LCOR: variants seen among roughly 807,000 people sequenced by gnomAD.
LCOR encodes ligand dependent nuclear receptor corepressor, also known as ligand-dependent corepressor.
A neutral mutation model predicts 64.4 loss-of-function variants in LCOR; 14 were observed. The ratio of observed to expected loss-of-function variants is 0.22; its 90% CI spans 0.14 to 0.34. LCOR has a LOEUF of 0.34. Ranked by LOEUF, LCOR falls within the 10% of genes least tolerant of loss-of-function variation. LCOR has a pLI of 1.00. For missense variants in LCOR, 1,686 were observed against 1,765.3 expected, an observed-to-expected ratio of 0.96 and a Z score of 0.80; for synonymous variants, 643 against 642.5, an observed-to-expected ratio of 1.00 and a Z score of -0.01.
rs1315516458 is a variant in LCOR at position 96,993,753 on chromosome 10, A to G, written c.*8619A>G. ...CTCATCTGGTTATGTTATATTATATATATATATTATATATATATATATACA... is the reference window on the plus strand; with the variant it reads ...CTCATCTGGTTATGTTATATTATATGTATATATTATATATATATATATACA... On this transcript the variant is annotated 3_prime_UTR_variant, in exon 8 of 8. Transcript: ENST00000421806. 1 of 145,910 alleles carries G rather than the reference A, an allele frequency of 6.9e-6. No individual in the cohort carries two copies. Among genetic ancestry groups the G allele is most frequent in the Admixed American group, 6.8e-5 (1 of 14,766 alleles). 9.0% of individuals were successfully genotyped at this position (145,910 alleles called of 1,614,324 possible). A position where few individuals can be genotyped will look rare whatever the true frequency, so the allele number is the denominator to read the frequency against.
intron 2 of LCOR, among the ~76,000 whole-genome samples, chr10:96,891,534 T>G (rs1846443292): frequency 9.9e-5 from 1 of 10,088 alleles, no homozygotes; most frequent in Non-Finnish European, 2.4e-4. Context: ...TTGACTCTTT[T>G]TTTTTTTTTT....
chr10:96,921,324 G>C (rs911702808), intron 4 of LCOR, among the ~76,000 whole-genome samples: 5 of 152,094 alleles, frequency 3.3e-5, no homozygotes, highest in African/African-American at 1.2e-4. Context: ...GCCAGATCCA[G>C]TGTCGTGAAG....
intron 4 of LCOR, among the ~76,000 whole-genome samples, chr10:96,923,080 G>A (rs889439361): frequency 6.6e-6 from 1 of 152,194 alleles, no homozygotes; most frequent in Non-Finnish European, 1.5e-5. Context: ...ACCTTAAAGT[G>A]TATGGACATT....
chr10:96,879,852 G>A (rs912277509), intron 2 of LCOR, among the ~76,000 whole-genome samples: 1 of 152,090 alleles, frequency 6.6e-6, no homozygotes, highest in South Asian at 2.1e-4. Context: ...TAGTAGAGGC[G>A]GGGTTTCGCC....
At position 96,885,444 on chromosome 10, in the gene LCOR, T is replaced by C. The variant is rs149177763; in HGVS notation, c.-329-21821T>C. On this transcript the variant is annotated intron_variant, in intron 2 of 7. Coordinates refer to ENST00000421806, the MANE Select transcript of LCOR (RefSeq NM_001346516.2). ...TTTCCCAGGCTGGAGTGCAGTGGCA[T>C]GATCACGGCTCACTGTTCCCTTGAC... Among the ~76,000 whole-genome samples, 11 of 152,048 alleles carry C rather than the reference T, an allele frequency of 7.2e-5. No individual in the cohort carries two copies. The East Asian group carries it at 2.1e-3, about 29-fold the overall frequency.
rs1033645417 is a variant in LCOR, at chr10:96,987,742, A to T, written c.*2608A>T. 2.0e-5 allele frequency: 3 copies of T among 152,212 alleles called. No individual in the cohort carries two copies. The highest frequency in any genetic ancestry group is 7.2e-5 in the African/African-American group (3 of 41,450). 9.4% of individuals were successfully genotyped at this position (152,212 alleles called of 1,614,324 possible). On this transcript the variant is annotated 3_prime_UTR_variant, in exon 8 of 8. Transcript: ENST00000421806. ...TGTTAATAGAAGAAAGAAAACAGCA[A>T]AACTTGAGGGCTAATCCTGCAAGGC...
intron 2 of LCOR, among the ~76,000 whole-genome samples, chr10:96,878,166 A>G (rs1846202014): frequency 1.3e-5 from 2 of 152,308 alleles, no homozygotes; most frequent in South Asian, 4.1e-4. Flanking sequence ...GACAACTTCC[A>G]CTTTTACTCT....
At chr10:96,848,062 T>A (rs1035965236) in intron 2 of LCOR, among the ~76,000 whole-genome samples, 3 of 152,256 alleles carry the variant, frequency 2.0e-5, no homozygotes, top group African/African-American at 7.2e-5. Flanking sequence ...TGAAGTTGTT[T>A]AGGTAAGAAT....
intron 2 of LCOR, among the ~76,000 whole-genome samples, chr10:96,873,581 T>TGG (rs1846112213): frequency 9.7e-6 from 1 of 103,460 alleles, no homozygotes; most frequent in Non-Finnish European, 1.9e-5. Flanking sequence ...CGTGTGTGTG[T>TGG]GTGTGTGTGT....
chr10:96,852,900 C>CT (rs1414552952), intron 2 of LCOR, among the ~76,000 whole-genome samples: 1 of 152,102 alleles, frequency 6.6e-6, no homozygotes, highest in African/African-American at 2.4e-5. Context: ...CTCATTTTCT[C>CT]TATTATTTAT....
intron 4 of LCOR, among the ~76,000 whole-genome samples, chr10:96,915,389 C>T (rs1259423427): frequency 4.6e-5 from 7 of 152,044 alleles, no homozygotes; most frequent in African/African-American, 1.7e-4. Context: ...GGCGTGGTGA[C>T]GTGCGCCTGT....
intron 2 of LCOR, among the ~76,000 whole-genome samples, chr10:96,841,501 G>A (rs1323043535): frequency 6.6e-6 from 1 of 151,616 alleles, no homozygotes; most frequent in Admixed American, 6.6e-5. Context: ...GCTGGGATTA[G>A]AGGTGTGTGC....
intron 7 of LCOR, chr10:96,955,905 G>C: frequency 6.2e-7 from 1 of 1,609,604 alleles, no homozygotes; most frequent in Non-Finnish European, 8.5e-7. Context: ...AAGTGCAAAT[G>C]AATCAAAAAA....
intron 4 of LCOR, among the ~76,000 whole-genome samples, chr10:96,941,065 C>CG (rs1373702365): frequency 1.1e-5 from 1 of 89,288 alleles, no homozygotes; most frequent in African/African-American, 5.2e-5. Context: ...CTGGCCGACC[C>CG]CCCCCCCGCC....
intron 7 of LCOR, among the ~76,000 whole-genome samples, chr10:96,968,446 G>A (rs545109763): frequency 5.9e-5 from 9 of 152,162 alleles, no homozygotes; most frequent in African/African-American, 1.9e-4. Flanking sequence ...GCAAACTTAC[G>A]CTGCTTTTTA....
chr10:96,952,262 T>A (rs2134528131), intron 7 of LCOR, 66 bp downstream of exon 7: 2 of 1,079,504 alleles, frequency 1.9e-6, no homozygotes, highest in East Asian at 2.4e-5. Flanking sequence ...TTGATGCCAG[T>A]CTCCCTTTTA....
At chr10:96,832,458 G>C (rs914952698) in intron 1 of LCOR, 59 bp downstream of exon 1, 3 of 658,116 alleles carry the variant, frequency 4.6e-6, no homozygotes, top group Non-Finnish European at 3.8e-6. Context: ...GGTCGCCCCA[G>C]ACCAGGGAGG....
intron 2 of LCOR, among the ~76,000 whole-genome samples, chr10:96,849,368 C>T (rs919924417): frequency 1.6e-4 from 25 of 152,034 alleles, no homozygotes; most frequent in African/African-American, 4.8e-4. Context: ...CCACTGCGTC[C>T]GGCCTAATTT....
chr10:96,936,163 A>G (rs868677313), intron 4 of LCOR, among the ~76,000 whole-genome samples: 4 of 152,278 alleles, frequency 2.6e-5, no homozygotes, highest in Non-Finnish European at 5.9e-5. Context: ...TGCCCCTGCA[A>G]AGGGGCCCAC....
Sources: allele counts gnomAD v4.1 joint callset (sites outside exome capture counted in the v4.1 genomes callset), GRCh38; gene constraint gnomAD v4.1.1; transcripts MANE v1.5; gene names NCBI Gene and HGNC (gene_info 2026-07-23, HGNC 2026-07-21).